DOT1L: variants seen among roughly 807,000 people sequenced by gnomAD.
DOT1L encodes histone-lysine N-methyltransferase, H3 lysine-79 specific.
Under a neutral mutation model 153.3 loss-of-function variants are expected in DOT1L, and 33 were observed. The observed-to-expected ratio is 0.22, with a 90% CI of 0.16 to 0.29. The LOEUF (loss-of-function observed/expected upper bound fraction) is 0.29. Ranked by LOEUF, DOT1L falls within the 10% of genes least tolerant of loss-of-function variation. The probability of loss-of-function intolerance (pLI) is 1.00; values close to 1 mark genes in which losing one functional copy is unlikely to be tolerated. For missense variants in DOT1L, 1,847 were observed against 2,119.9 expected, an observed-to-expected ratio of 0.87 and a Z score of 2.53; for synonymous variants, 1,135 against 965.1, an observed-to-expected ratio of 1.18 and a Z score of -3.26.
Position 2,182,207 on chromosome 19 carries a change from A to G in DOT1L, c.125+1451A>G, listed in dbSNP as rs569654977. Reference sequence around the variant, plus strand: ...GTGCCACTGCACTGCAGCCTGGGTGATAAGAGTGAGACTCCATCTCAAAAA... The same window carrying G: ...GTGCCACTGCACTGCAGCCTGGGTGGTAAGAGTGAGACTCCATCTCAAAAA... On this transcript the variant is annotated intron_variant, in intron 2 of 27. Coordinates refer to ENST00000398665, the MANE Select transcript of DOT1L (RefSeq NM_032482.3). Among the ~76,000 whole-genome samples the G allele has an allele frequency of 3.1e-3, 467 of 152,156 alleles. 4 individuals carry two copies. Among genetic ancestry groups the G allele is most frequent in the African/African-American group, 0.011 (443 of 41,494 alleles).
In DOT1L at chr19:2,223,475, C is replaced by T. The variant is rs777472376; in HGVS notation, c.3585C>T (p.Pro1195=). Residue 1195 remains proline, a synonymous_variant, in exon 25 of 28, where the codon CCC becomes CCT. Transcript: ENST00000398665. ...SDEEPGSEDE[P]SSARIERKIA... ...AGGAGCCAGGCTCTGAGGACGAGCC[C>T]AGCAGTGCTCGGCGAGTCCAGGGGC... The T allele has an allele frequency of 1.3e-6, 2 of 1,594,692 alleles. No individual in the cohort carries two copies. Among genetic ancestry groups the T allele is most frequent in the South Asian group, 2.2e-5 (2 of 90,802 alleles).
intron 27 of DOT1L, 27 bp from the exon 28 acceptor site, chr19:2,229,758 C>A: frequency 6.2e-7 from 1 of 1,613,036 alleles, no homozygotes; most frequent in Non-Finnish European, 8.5e-7. Context: ...AACCTCAGGC[C>A]GCTCTTCCCG....
chr19:2,206,848 T>C (rs1185351284), intron 10 of DOT1L, 51 bp downstream of exon 10: 1 of 1,550,050 alleles, frequency 6.5e-7, no homozygotes, highest in East Asian at 2.3e-5. Flanking sequence ...TTTAACCATC[T>C]GACACGCAGT....
In DOT1L at chr19:2,207,794, C is replaced by A; in HGVS notation, c.963+114C>A. On this transcript the variant is annotated intron_variant, in intron 11 of 27. Coordinates refer to ENST00000398665, the MANE Select transcript of DOT1L (RefSeq NM_032482.3). The surrounding 1 kb of genome is among the most constrained non-coding windows in gnomAD (Gnocchi z 4.5). ...TCTGAGACCCTCCCCTCAGAGCCCT[C>A]AACGCCCCCCGGCCCCTGAGCTCAG... 1 of 965,568 alleles carries A rather than the reference C, an allele frequency of 1.0e-6. No individual in the cohort carries two copies. The highest frequency in any genetic ancestry group is 1.6e-5 in the South Asian group (1 of 60,856). 59.8% of individuals were successfully genotyped at this position (965,568 alleles called of 1,614,324 possible).
At chr19:2,189,164 G>C (rs1376470818) in intron 3 of DOT1L, among the ~76,000 whole-genome samples, 1 of 152,222 alleles carries the variant, frequency 6.6e-6, no homozygotes, top group African/African-American at 2.4e-5. Flanking sequence ...ACACACTGCT[G>C]ACGTGTGAAT....
intron 1 of DOT1L, among the ~76,000 whole-genome samples, chr19:2,178,347 G>A (rs1296232210): frequency 6.8e-6 from 1 of 146,406 alleles, no homozygotes; most frequent in Admixed American, 6.8e-5. Flanking sequence ...TGGCCAACAT[G>A]GTGAAACCTT....
chr19:2,202,943 A>G (rs1192456580), intron 9 of DOT1L, among the ~76,000 whole-genome samples, 164 bp downstream of exon 9: 2 of 151,854 alleles, frequency 1.3e-5, no homozygotes, highest in Non-Finnish European at 1.5e-5. Context: ...TTTTTTATTG[A>G]GACAGTTTTC....
chr19:2,206,283 G>T (rs1287185233), intron 9 of DOT1L, among the ~76,000 whole-genome samples: 1 of 152,100 alleles, frequency 6.6e-6, no homozygotes, highest in African/African-American at 2.4e-5. Context: ...ACTGCACCGC[G>T]CCGAGAATGT....
Position 2,213,876 on chromosome 19 carries a change from G to C in DOT1L, c.1687G>C (p.Asp563His), listed in dbSNP as rs1469688589. The C allele has an allele frequency of 6.2e-7, 1 of 1,613,130 alleles. No individual in the cohort carries two copies. The highest frequency in any genetic ancestry group is 8.5e-7 in the Non-Finnish European group (1 of 1,180,030). The change falls in exon 18 of 28, where the codon GAC becomes CAC. Residue 563 changes from aspartate (D) to histidine (H), a missense_variant. Physicochemically the swap from Asp to His is moderately conservative, Grantham distance 81. Transcript: ENST00000398665. ...GGGTGTGAAGGCGCTGACCTACAACGACCTGATTCAAGCGCAGAAGGAGAT... is the reference window on the plus strand; with the variant it reads ...GGGTGTGAAGGCGCTGACCTACAACCACCTGATTCAAGCGCAGAAGGAGAT... Reference protein sequence around the residue: ...ELGVKALTYNDLIQAQKEISA... With the variant: ...ELGVKALTYNHLIQAQKEISA...
intron 27 of DOT1L, chr19:2,229,201 C>T (rs2024494673): frequency 2.0e-6 from 2 of 985,476 alleles, no homozygotes; most frequent in Admixed American, 1.2e-4. Context: ...GTTCACTCCT[C>T]CCCCAAGAGG....
intron 1 of DOT1L, among the ~76,000 whole-genome samples, chr19:2,177,594 A>AC (rs1440364428): frequency 1.1e-4 from 17 of 152,128 alleles, no homozygotes; most frequent in Middle Eastern, 3.4e-3. Flanking sequence ...CGAATTCCTG[A>AC]CCTCATGATC....
chr19:2,186,839 C>G (rs996298420), intron 3 of DOT1L, among the ~76,000 whole-genome samples: 1 of 152,200 alleles, frequency 6.6e-6, no homozygotes, highest in Admixed American at 6.5e-5. Context: ...CTCTCGCCAC[C>G]CCCCCTCATT....
In DOT1L at chr19:2,226,533, C is replaced by A. The variant is rs1486608337; in HGVS notation, c.4012C>A (p.Pro1338Thr). Residue 1338 changes from proline to threonine, a missense_variant, in exon 27 of 28, where the codon CCC becomes ACC. Pro to Thr is a conservative substitution (Grantham distance 38). Around this residue, in one of 8 missense-constraint regions of DOT1L, gnomAD observed 934 missense variants for 825.3 expected, o/e 1.13. Coordinates refer to ENST00000398665, the MANE Select transcript of DOT1L (RefSeq NM_032482.3). Reference protein sequence around the residue: ...LHSFSDGASLPHKGPEAAGLS... With the variant: ...LHSFSDGASLTHKGPEAAGLS... ...CAGCTTCAGTGATGGTGCTTCTCTT[C>A]CCCACAAGGGCCCCGAGGCGGCCGG... The A allele has an allele frequency of 6.2e-7, 1 of 1,600,612 alleles. No homozygotes were observed. Among genetic ancestry groups the A allele is most frequent in the African/African-American group, 1.3e-5 (1 of 74,920 alleles).
At position 2,231,199 on chromosome 19, in the gene DOT1L, C is replaced by G. The variant is rs542589769; in HGVS notation, c.*1407C>G. ...ATGGGATCTGGGAGTCTGAGCTCCC[C>G]GCATCTGGCCCTGGGCTGTGTGGCA... On this transcript the variant is annotated 3_prime_UTR_variant, in exon 28 of 28. Transcript: ENST00000398665. 7 of 227,848 alleles carry G rather than the reference C, an allele frequency of 3.1e-5. No individual in the cohort carries two copies. The highest frequency in any genetic ancestry group is 2.3e-4 in the Admixed American group (4 of 17,564). The allele number at this position is 227,848 out of a possible 1,614,324, so 14.1% of individuals were successfully genotyped here.
intron 27 of DOT1L, chr19:2,227,679 C>G (rs1002769025): frequency 4.7e-6 from 6 of 1,287,516 alleles, no homozygotes; most frequent in Admixed American, 2.4e-5. Context: ...GGCTGCTGCT[C>G]TGCGCTTGCC....
At position 2,226,887 on chromosome 19, in the gene DOT1L, T is replaced by G. The variant is rs2144937112; in HGVS notation, c.4366T>G (p.Ser1456Ala). The G allele has an allele frequency of 6.3e-7, 1 of 1,575,086 alleles. No individual in the cohort carries two copies. The highest frequency in any genetic ancestry group is 8.5e-7 in the Non-Finnish European group (1 of 1,169,794). ...GGCGTCCTCCGCAGGCGGCGCGGCG[T>G]CCTCCGCCCAGACGCACCGGTCCTT... Reference protein sequence around the residue: ...PAASSAGGAASSAQTHRSFLG... With the variant: ...PAASSAGGAAASAQTHRSFLG... Residue 1456 changes from serine to alanine, a missense_variant, in exon 27 of 28, where the codon TCC (serine) becomes GCC (alanine). Coordinates refer to ENST00000398665, the MANE Select transcript of DOT1L (RefSeq NM_032482.3).
chr19:2,223,167 GT>G, intron 24 of DOT1L, 113 bp from the exon 25 acceptor site: 6 of 1,172,354 alleles, frequency 5.1e-6, no homozygotes, highest in Non-Finnish European at 7.4e-6. Flanking sequence ...CAGGGCATCA[GT>G]TTCCTCAGGA....
intron 8 of DOT1L, among the ~76,000 whole-genome samples, chr19:2,200,693 C>CCCTCGTCCTCCCCACATT (rs1400685469): frequency 7.2e-5 from 11 of 152,172 alleles, no homozygotes; most frequent in East Asian, 5.8e-4. Context: ...CTCTCTGCGC[C>CCCTCGTCCTCCCCACATT]CCTCGTCCTC....
Position 2,222,582 on chromosome 19 carries a change from C to A in DOT1L, c.3390+23C>A. ...ATGGTAAGGATGGGGACCGGCAGGG[C>A]TGGGGAGCGCGGCCTGTGAAAGAAA... On this transcript the variant is annotated intron_variant, in intron 24 of 27. Coordinates refer to ENST00000398665, the MANE Select transcript of DOT1L (RefSeq NM_032482.3). This position sits in a 1 kb window ranked among gnomAD's most constrained non-coding sequence, Gnocchi z 6.5. 1 of 1,515,424 alleles carries A rather than the reference C, an allele frequency of 6.6e-7. No individual in the cohort carries two copies. 93.9% of individuals were successfully genotyped at this position (1,515,424 alleles called of 1,614,324 possible).
Sources: allele counts gnomAD v4.1 joint callset (sites outside exome capture counted in the v4.1 genomes callset), GRCh38; gene constraint gnomAD v4.1.1; regional missense constraint gnomAD v4.1.1; non-coding constraint Gnocchi (gnomAD v3.1); transcripts MANE v1.5; gene names NCBI Gene and HGNC (gene_info 2026-07-23, HGNC 2026-07-21).